EMCN: variants seen among roughly 807,000 people sequenced by gnomAD.
The protein encoded by EMCN is MUC-14.
A neutral mutation model predicts 38.4 loss-of-function variants in EMCN; 37 were observed. The ratio of observed to expected loss-of-function variants is 0.96; its 90% CI spans 0.74 to 1.27. The LOEUF (loss-of-function observed/expected upper bound fraction) is 1.27. EMCN is among the 50% of genes most tolerant of loss of function. EMCN has a pLI of 0.00. For synonymous variants in EMCN, 95 were observed against 100.8 expected (o/e 0.94, Z 0.35); for missense variants, 318 against 302.8 (o/e 1.05, Z -0.37).
chr4:100,416,768 G>C (rs1726747412), intron 9 of EMCN, among the ~76,000 whole-genome samples: 1 of 152,068 alleles, frequency 6.6e-6, no homozygotes, highest in African/African-American at 2.4e-5. Flanking sequence ...CTGAGAACTG[G>C]CTCAAGGTAG....
At position 100,456,235 on chromosome 4, in the gene EMCN, T is replaced by C. The variant is rs542169027; in HGVS notation, c.377-8664A>G. 3.3e-5 allele frequency among the ~76,000 whole-genome samples: 5 copies of C among 152,326 alleles called. No individual in the cohort carries two copies. The South Asian group carries it at 1.0e-3, about 32-fold the overall frequency. The stretch of plus-strand genomic sequence containing the variant: ...TGGTCTTTTTTCTCTCCAACTTATC[T>C]AGTTTCTATTGTTATGCATTCATGT... On this transcript the variant is annotated intron_variant, in intron 4 of 11. Coordinates refer to ENST00000296420, the MANE Select transcript of EMCN (RefSeq NM_016242.4).
chr4:100,472,155 A>C (rs976781753), intron 3 of EMCN, among the ~76,000 whole-genome samples: 1 of 152,002 alleles, frequency 6.6e-6, no homozygotes, highest in Non-Finnish European at 1.5e-5. Context: ...AAGGAAGTAA[A>C]ACTATCTATA....
At chr4:100,512,395 G>C (rs1419490689) in intron 1 of EMCN, among the ~76,000 whole-genome samples, 1 of 152,146 alleles carries the variant, frequency 6.6e-6, no homozygotes, top group Admixed American at 6.5e-5. Context: ...TTTGCTAACT[G>C]AGAGAGCTGC....
At chr4:100,442,871 A>G (rs922666988) in intron 5 of EMCN, among the ~76,000 whole-genome samples, 2 of 151,954 alleles carry the variant, frequency 1.3e-5, no homozygotes, top group East Asian at 3.9e-4. Context: ...TTTTTCTGAG[A>G]CAAAGTCTCA....
In EMCN at chr4:100,465,525, T is replaced by C. The variant is rs144557431; in HGVS notation, c.274A>G (p.Thr92Ala). The C allele has an allele frequency of 2.8e-5, 45 of 1,602,646 alleles. No homozygotes were observed. In the Middle Eastern group the frequency reaches 6.6e-4, roughly 24 times the overall value. Reference protein sequence around the residue: ...TSKDEGLKATTTDVRKNDSII... With the variant: ...TSKDEGLKATATDVRKNDSII... ...GAGTCATTCTTCCTGACATCAGTGG[T>C]TGTGGCTTTCAATCCTATAAAAAGA... The change falls in exon 4 of 12, where the codon ACC becomes GCC. Residue 92 changes from threonine (T) to alanine (A), a missense_variant. Thr to Ala is a moderately conservative substitution (Grantham distance 58, BLOSUM62 0). Transcript: ENST00000296420.
Position 100,423,398 on chromosome 4 carries a change from A to G in EMCN, c.422T>C (p.Val141Ala), listed in dbSNP as rs755006264. The change falls in exon 6 of 12, where the codon GTT becomes GCT. Residue 141 changes from valine (V) to alanine (A), a missense_variant. Transcript: ENST00000296420. ...AGAAGGTGATGCATCTGGTTGTAGAACACTACCTGTATGAAAATTACAAAT... is the reference window on the plus strand; with the variant it reads ...AGAAGGTGATGCATCTGGTTGTAGAGCACTACCTGTATGAAAATTACAAAT... ...SIKTTEIPGS[V>A]LQPDASPSKT... 17 of 1,608,340 alleles carry G rather than the reference A, an allele frequency of 1.1e-5. No individual in the cohort carries two copies. The Admixed American group carries it at 2.8e-4, about 27-fold the overall frequency.
chr4:100,453,326 A>G (rs1727902780), intron 4 of EMCN, among the ~76,000 whole-genome samples: 4 of 152,004 alleles, frequency 2.6e-5, no homozygotes, highest in Admixed American at 6.6e-5. Context: ...AATTTACAAG[A>G]AAAAAACAAA....
chr4:100,410,567 A>G (rs1726524643), intron 10 of EMCN, among the ~76,000 whole-genome samples: 1 of 152,170 alleles, frequency 6.6e-6, no homozygotes, highest in Non-Finnish European at 1.5e-5. Context: ...ACTTTAAAGT[A>G]GCAATATGAA....
chr4:100,470,403 G>T (rs535178057), intron 3 of EMCN, among the ~76,000 whole-genome samples: 3 of 150,720 alleles, frequency 2.0e-5, no homozygotes, highest in Admixed American at 2.0e-4. Context: ...GTGCCAGTGA[G>T]GTTGTGGAGA....
At chr4:100,441,465 A>G (rs13130351) in intron 5 of EMCN, among the ~76,000 whole-genome samples, 14,363 of 152,126 alleles carry the variant, frequency 0.094, 808 homozygotes, top group South Asian at 0.14. Flanking sequence ...CAACCATTCT[A>G]TGTCTTTTAA....
chr4:100,458,774 C>T (rs574468315), intron 4 of EMCN, among the ~76,000 whole-genome samples: 2 of 152,288 alleles, frequency 1.3e-5, no homozygotes, highest in Admixed American at 1.3e-4. Context: ...AATGACTCCT[C>T]CCTTCTTTGC....
chr4:100,468,285 A>G (rs1400611436), intron 3 of EMCN, among the ~76,000 whole-genome samples: 1 of 152,184 alleles, frequency 6.6e-6, no homozygotes, highest in Non-Finnish European at 1.5e-5. Context: ...TTTTATAATG[A>G]TCTTGGAATT....
rs1309513761 is a variant in EMCN, at chr4:100,423,344, A to G, written c.476T>C (p.Val159Ala). 5.0e-6 allele frequency: 8 copies of G among 1,612,874 alleles called. No individual in the cohort carries two copies. The highest frequency in any genetic ancestry group is 1.7e-5 in the Admixed American group (1 of 59,846). ...SKTGTLTSIP[V>A]TIPENTSQSQ... ...CTGTGAGGTGTTTTCTGGAATTGTAACTGGTATTGAGGTTAATGTACCAGT... is the reference window on the plus strand; with the variant it reads ...CTGTGAGGTGTTTTCTGGAATTGTAGCTGGTATTGAGGTTAATGTACCAGT... Residue 159 changes from valine (V) to alanine (A), a missense_variant, in exon 6 of 12, where the codon GTT becomes GCT. By Grantham distance (64) the Val-to-Ala change is moderately conservative. Coordinates refer to ENST00000296420, the MANE Select transcript of EMCN (RefSeq NM_016242.4).
At chr4:100,488,425 C>T (rs986435470) in intron 1 of EMCN, among the ~76,000 whole-genome samples, 1 of 151,998 alleles carries the variant, frequency 6.6e-6, no homozygotes, top group Non-Finnish European at 1.5e-5. Flanking sequence ...AATGTATTTC[C>T]CTTTAGTGTG....
Position 100,479,990 on chromosome 4 carries a change from T to C in EMCN, c.114A>G (p.Pro38=), listed in dbSNP as rs550967180. The part of the protein sequence containing the change: ...NNSLVVTTTK[P]SITTPNTESL... ...ATTCTGTGTTTGGTGTTGTTATAGA[T>C]GGTTTTGTTGTAGTAACAACAAGTG... The change falls in exon 2 of 12, where the codon CCA becomes CCG. Residue 38 remains proline (P), a synonymous_variant. Transcript: ENST00000296420. The C allele has an allele frequency of 6.8e-5, 109 of 1,602,032 alleles. No individual in the cohort carries two copies. In the South Asian group the frequency reaches 1.1e-3, roughly 17 times the overall value.
At chr4:100,442,273 T>G (rs1400771121) in intron 5 of EMCN, among the ~76,000 whole-genome samples, 1 of 152,196 alleles carries the variant, frequency 6.6e-6, no homozygotes, top group East Asian at 1.9e-4. Flanking sequence ...CTAATGGCAA[T>G]TCCTTTACAT....
At chr4:100,437,846 T>A (rs1727399739) in intron 5 of EMCN, among the ~76,000 whole-genome samples, 1 of 151,392 alleles carries the variant, frequency 6.6e-6, no homozygotes, top group Non-Finnish European at 1.5e-5. Context: ...TGCCTCCAAC[T>A]TTTTTTTTAT....
Position 100,475,019 on chromosome 4 carries a change from A to G in EMCN, c.259+19T>C. The G allele has an allele frequency of 3.6e-6, 5 of 1,377,568 alleles. No homozygotes were observed. Among genetic ancestry groups the G allele is most frequent in the Non-Finnish European group, 5.0e-6 (5 of 1,001,596 alleles). 85.3% of individuals were successfully genotyped at this position (1,377,568 alleles called of 1,614,324 possible). On this transcript the variant is annotated intron_variant, in intron 3 of 11. Transcript: ENST00000296420. ...ATTATATATTTTTTAAAATTGTAGA[A>G]AAATGAATCATTACTCACCTTCATC...
intron 4 of EMCN, among the ~76,000 whole-genome samples, chr4:100,461,954 T>C (rs1201082822): frequency 6.6e-6 from 1 of 152,176 alleles, no homozygotes; most frequent in African/African-American, 2.4e-5. Context: ...ACAGTGTTTA[T>C]GTGTGATGGG....
Sources: gnomAD v4.1 joint callset for allele counts (sites outside exome capture counted in the v4.1 genomes callset) on GRCh38, gnomAD v4.1.1 for gene constraint, MANE v1.5 for transcripts, NCBI Gene and HGNC (gene_info 2026-07-23, HGNC 2026-07-21) for gene names.